Variants in MYRIP observed in about 807,000 individuals in gnomAD.
MYRIP encodes rab effector MyRIP.
A neutral mutation model predicts 98.0 loss-of-function variants in MYRIP; 49 were observed. That is an observed-to-expected ratio of 0.50 (90% CI 0.40 to 0.63). The LOEUF (loss-of-function observed/expected upper bound fraction) is 0.63. MYRIP is among the 30% of genes least tolerant of loss of function. The pLI, the probability that MYRIP is intolerant of heterozygous loss-of-function variation, is 0.00. For missense variants in MYRIP, 1,004 were observed against 1,058.2 expected, an observed-to-expected ratio of 0.95 and a Z score of 0.71; for synonymous variants, 404 against 409.5, an observed-to-expected ratio of 0.99 and a Z score of 0.16.
intron 10 of MYRIP, among the ~76,000 whole-genome samples, chr3:40,201,683 T>C (rs1200783440): frequency 6.6e-6 from 1 of 152,126 alleles, no homozygotes; most frequent in African/African-American, 2.4e-5. Context: ...AAATGTATTA[T>C]AATATTAATT....
intron 2 of MYRIP, among the ~76,000 whole-genome samples, chr3:39,913,471 A>C (rs1944075689): frequency 6.6e-6 from 1 of 152,190 alleles, no homozygotes; most frequent in Non-Finnish European, 1.5e-5. Flanking sequence ...ACTATAAAAC[A>C]ACTAAAAAGA....
chr3:39,916,711 A>T (rs1944170339), intron 2 of MYRIP, among the ~76,000 whole-genome samples: 1 of 152,108 alleles, frequency 6.6e-6, no homozygotes, highest in Non-Finnish European at 1.5e-5. Flanking sequence ...GTTTATTCTA[A>T]ACTCAGCTGA....
chr3:40,152,845 G>A (rs1179374149), intron 4 of MYRIP, among the ~76,000 whole-genome samples: 1 of 152,042 alleles, frequency 6.6e-6, no homozygotes, highest in African/African-American at 2.4e-5. Flanking sequence ...GGCCAGGCAT[G>A]GTGGCTTATG....
chr3:40,188,640 G>A (rs1488673125), intron 9 of MYRIP, among the ~76,000 whole-genome samples: 1 of 152,148 alleles, frequency 6.6e-6, no homozygotes. Flanking sequence ...AGCCAGGTGT[G>A]GTGGTGTGCA....
chr3:39,956,324 C>T (rs890120563), intron 2 of MYRIP, among the ~76,000 whole-genome samples: 1 of 152,202 alleles, frequency 6.6e-6, no homozygotes, highest in African/African-American at 2.4e-5. Context: ...TGATAACAAA[C>T]TGTGTCTCAG....
intron 1 of MYRIP, among the ~76,000 whole-genome samples, chr3:39,874,930 T>A (rs1559504640): frequency 1.3e-5 from 2 of 152,204 alleles, no homozygotes. Flanking sequence ...CAGTTCCTCC[T>A]TGCACCTCAG....
At chr3:40,194,814 T>C (rs1951344612) in intron 10 of MYRIP, among the ~76,000 whole-genome samples, 1 of 152,220 alleles carries the variant, frequency 6.6e-6, no homozygotes, top group African/African-American at 2.4e-5. Flanking sequence ...ATTGTGTTGA[T>C]ATTGTAAATG....
At chr3:40,028,830 C>T (rs1051012990) in intron 2 of MYRIP, among the ~76,000 whole-genome samples, 1 of 152,096 alleles carries the variant, frequency 6.6e-6, no homozygotes, top group Non-Finnish European at 1.5e-5. Flanking sequence ...TGAGATACTA[C>T]AGGGCAATAT....
At chr3:39,869,461 T>C (rs930559985) in intron 1 of MYRIP, among the ~76,000 whole-genome samples, 8 of 152,212 alleles carry the variant, frequency 5.3e-5, no homozygotes, top group African/African-American at 1.9e-4. Context: ...ATCATTCTTA[T>C]ACTTTCACTT....
chr3:40,071,358 G>A (rs1250961201), intron 3 of MYRIP: 3 of 213,968 alleles, frequency 1.4e-5, no homozygotes, highest in African/African-American at 7.1e-5. Flanking sequence ...ATGAAAACAG[G>A]CGAGCTGAAA....
intron 4 of MYRIP, among the ~76,000 whole-genome samples, chr3:40,158,128 C>T (rs992925428): frequency 5.3e-5 from 8 of 151,956 alleles, no homozygotes; most frequent in Non-Finnish European, 1.2e-4. Flanking sequence ...CTCTTGTGGG[C>T]ATTTAGTGCT....
intron 3 of MYRIP, among the ~76,000 whole-genome samples, chr3:40,113,978 C>A (rs1197634825): frequency 6.6e-6 from 1 of 152,164 alleles, no homozygotes; most frequent in Non-Finnish European, 1.5e-5. Flanking sequence ...CATGAACCAC[C>A]GCACTCAGCC....
At chr3:40,042,207 G>C (rs1947551389) in intron 2 of MYRIP, among the ~76,000 whole-genome samples, 1 of 141,164 alleles carries the variant, frequency 7.1e-6, no homozygotes, top group South Asian at 2.3e-4. Flanking sequence ...AATGTTGAAT[G>C]ATAAAAGCAG....
At chr3:39,996,635 C>G (rs1387288869) in intron 2 of MYRIP, among the ~76,000 whole-genome samples, 2 of 152,118 alleles carry the variant, frequency 1.3e-5, no homozygotes, top group East Asian at 1.9e-4. Context: ...GAGACAGAAA[C>G]TTAACAAGGA....
intron 3 of MYRIP, among the ~76,000 whole-genome samples, chr3:40,093,959 G>A (rs1189004785): frequency 6.6e-6 from 1 of 151,982 alleles, no homozygotes; most frequent in Non-Finnish European, 1.5e-5. Flanking sequence ...CTTCATAATG[G>A]GGGACACTCT....
chr3:40,144,575 G>T lies in MYRIP; in HGVS notation c.333-6473G>T, dbSNP rs148596171. Among the ~76,000 whole-genome samples, 380 of 152,320 alleles carry T rather than the reference G, an allele frequency of 2.5e-3. 1 individual carries two copies. The highest frequency in any genetic ancestry group is 8.9e-3 in the African/African-American group (372 of 41,572). The stretch of plus-strand genomic sequence containing the variant: ...TGGTGACCAGCTGCTCAGAGAGCAG[G>T]GCAGTGTGTGGAAGGAGGAGCCTGG... On this transcript the variant is annotated intron_variant, in intron 3 of 16. Coordinates refer to ENST00000302541, the MANE Select transcript of MYRIP (RefSeq NM_015460.4).
At chr3:40,215,651 T>A (rs748989846) in intron 11 of MYRIP, among the ~76,000 whole-genome samples, 4 of 152,240 alleles carry the variant, frequency 2.6e-5, no homozygotes, top group Non-Finnish European at 5.9e-5. Context: ...TATCGTTGTC[T>A]ATATATGTCT....
At chr3:40,035,650 A>C (rs568540742) in intron 2 of MYRIP, among the ~76,000 whole-genome samples, 1 of 152,150 alleles carries the variant, frequency 6.6e-6, no homozygotes, top group East Asian at 1.9e-4. Context: ...GGCACCAAGG[A>C]GAAAAGGACA....
intron 1 of MYRIP, among the ~76,000 whole-genome samples, chr3:39,813,541 TAC>T (rs1940772774): frequency 6.7e-6 from 1 of 148,522 alleles, no homozygotes; most frequent in African/African-American, 2.6e-5. Context: ...CCTTGAAAGT[TAC>T]ACACTCTAAG....
Sources: gnomAD v4.1 joint callset for allele counts (sites outside exome capture counted in the v4.1 genomes callset) on GRCh38, gnomAD v4.1.1 for gene constraint, MANE v1.5 for transcripts, NCBI Gene and HGNC (gene_info 2026-07-23, HGNC 2026-07-21) for gene names.